The following INTS8 variants were observed in gnomAD, a reference collection of about 807,000 sequenced individuals.
INTS8 encodes integrator complex subunit 8.
INTS8 carries 47 observed loss-of-function variants against 138.9 expected under a neutral mutation model. The ratio of observed to expected loss-of-function variants is 0.34; its 90% confidence interval spans 0.27 to 0.43. INTS8 has a LOEUF of 0.43. Ranked by LOEUF, INTS8 falls within the 20% of genes least tolerant of loss-of-function variation. INTS8 has a pLI of 1.00. For missense variants in INTS8, 996 were observed against 1,173.0 expected, an observed-to-expected ratio of 0.85 and a Z score of 2.20; for synonymous variants, 392 against 400.9, an observed-to-expected ratio of 0.98 and a Z score of 0.27.
chr8:94,880,097 A>T (rs373640928), intron 26 of INTS8, 21 bp from the exon 27 acceptor site: 5 of 1,548,702 alleles, frequency 3.2e-6, no homozygotes, highest in Non-Finnish European at 4.4e-6. Context: ...CTCTAATAAC[A>T]TCACTTTTCT....
chr8:94,839,895 CAAAAACAAAAAAACCCA>C (rs916276273), intron 8 of INTS8, among the ~76,000 whole-genome samples: 10 of 151,746 alleles, frequency 6.6e-5, no homozygotes, highest in Non-Finnish European at 8.8e-5. Flanking sequence ...GACCCTGCCT[CAAAAACAAAAAAACCCA>C]AAAAACAAAA....
intron 10 of INTS8, among the ~76,000 whole-genome samples, chr8:94,845,430 C>T (rs1815297192): frequency 6.6e-6 from 1 of 152,116 alleles, no homozygotes; most frequent in South Asian, 2.1e-4. Context: ...ATGTCCATGT[C>T]CTGATACCAT....
chr8:94,876,702 G>A (rs1250145279), intron 26 of INTS8: 1 of 449,090 alleles, frequency 2.2e-6, no homozygotes, highest in African/African-American at 2.0e-5. Context: ...TCATTTCTCA[G>A]TCCCAAACTT....
intron 20 of INTS8, among the ~76,000 whole-genome samples, chr8:94,870,173 T>A (rs1423648177): frequency 6.6e-6 from 1 of 152,028 alleles, no homozygotes; most frequent in Non-Finnish European, 1.5e-5. Flanking sequence ...TGCCTCAGCC[T>A]CCCAAGTAGC....
In INTS8 at chr8:94,859,572, AAATG is replaced by A; in HGVS notation, c.2020_2023del (p.Glu674ThrfsTer17). 1.2e-6 allele frequency: 2 copies of A among 1,612,830 alleles called. No individual in the cohort carries two copies. The highest frequency in any genetic ancestry group is 1.7e-6 in the Non-Finnish European group (2 of 1,178,878). On this transcript the variant is annotated frameshift_variant, in exon 16 of 27. Coordinates refer to ENST00000523731, the MANE Select transcript of INTS8 (RefSeq NM_017864.4). LOFTEE classifies it high-confidence loss of function. ...TTGCCTTTATGTTAAACTGGAGAGAAAATGAATACCTTACACTCCAAGTTCCTGC... is the reference window on the plus strand; with the variant it reads ...TTGCCTTTATGTTAAACTGGAGAGAAAATACCTTACACTCCAAGTTCCTGC...
At chr8:94,834,362 G>GGTGTGTGTGTGTGT (rs35147334) in intron 6 of INTS8, among the ~76,000 whole-genome samples, 120 of 144,570 alleles carry the variant, frequency 8.3e-4, no homozygotes, top group African/African-American at 2.5e-3. Context: ...TATGTGCATG[G>GGTGTGTGTGTGTGT]GTGTGTGTGT....
intron 26 of INTS8, among the ~76,000 whole-genome samples, chr8:94,876,969 A>T (rs1344349469): frequency 2.0e-5 from 3 of 152,198 alleles, no homozygotes; most frequent in African/African-American, 7.2e-5. Flanking sequence ...TTATAAAGTA[A>T]CAATTTCTGC....
rs530197643 is a variant in INTS8 at position 94,866,555 on chromosome 8, G to T, written c.2295+364G>T. Among the ~76,000 whole-genome samples, 66 of 152,286 alleles carry T rather than the reference G, an allele frequency of 4.3e-4. 1 individual carries two copies. The highest frequency in any genetic ancestry group is 1.5e-3 in the African/African-American group (63 of 41,544). ...CCTTCTTGGCCCCTCACAGTGCTGG[G>T]ATTACAGGTGTTAGCCACCTTGCCT... is the stretch of plus-strand genomic sequence containing the variant. On this transcript the variant is annotated intron_variant, in intron 18 of 26. Coordinates refer to ENST00000523731, the MANE Select transcript of INTS8 (RefSeq NM_017864.4).
intron 13 of INTS8, 107 bp downstream of exon 13, chr8:94,851,793 A>G: frequency 1.1e-6 from 1 of 872,238 alleles, no homozygotes; most frequent in Non-Finnish European, 1.7e-6. Flanking sequence ...CTCTTACTTA[A>G]CAGTTTTAAG....
intron 12 of INTS8, among the ~76,000 whole-genome samples, chr8:94,850,446 A>T (rs1815492462): frequency 6.6e-6 from 1 of 152,084 alleles, no homozygotes; most frequent in African/African-American, 2.4e-5. Context: ...CCCCGCCTCT[A>T]CTAAAAATAC....
At chr8:94,861,246 CCT>C (rs886712191) in intron 16 of INTS8, among the ~76,000 whole-genome samples, 13 of 119,814 alleles carry the variant, frequency 1.1e-4, no homozygotes, top group Admixed American at 1.8e-4. Flanking sequence ...GTTTTTCCCC[CCT>C]TTTTGTAATT....
intron 20 of INTS8, among the ~76,000 whole-genome samples, chr8:94,870,555 T>A (rs1020470756): frequency 6.6e-6 from 1 of 152,222 alleles, no homozygotes; most frequent in South Asian, 2.1e-4. Context: ...GATTGAAGAT[T>A]ACGTTTTTAA....
chr8:94,859,203 C>G (rs1476735738), intron 15 of INTS8, among the ~76,000 whole-genome samples: 1 of 151,778 alleles, frequency 6.6e-6, no homozygotes, highest in African/African-American at 2.4e-5. Context: ...ATCGCTTGAG[C>G]CTGGGAGCTC....
At chr8:94,879,646 A>G (rs1009072271) in intron 26 of INTS8, 10 of 145,950 alleles carry the variant, frequency 6.9e-5, no homozygotes, top group Middle Eastern at 6.8e-3. Flanking sequence ...TTTTTAAATC[A>G]TCTATAGATT....
intron 8 of INTS8, among the ~76,000 whole-genome samples, chr8:94,839,600 T>A (rs76141409): frequency 0.048 from 7,279 of 152,290 alleles, 228 homozygotes; most frequent in Middle Eastern, 0.065. Context: ...TATTGCTTTG[T>A]CCTAGGAAAG....
At chr8:94,877,032 G>A (rs867324629) in intron 26 of INTS8, among the ~76,000 whole-genome samples, 9 of 151,984 alleles carry the variant, frequency 5.9e-5, no homozygotes, top group Non-Finnish European at 8.8e-5. Flanking sequence ...ATTTTTCTCC[G>A]GAACACTTAT....
rs779257317 is a variant in INTS8, at chr8:94,838,667, C to CT, written c.1017+50dup. ...GTGAAGTTTTGGAAGCCAGACAAAA[C>CT]TAAGTTCAAATCCTCGCACCATCCA... On this transcript the variant is annotated intron_variant, in intron 8 of 26. Transcript: ENST00000523731. 5.3e-6 allele frequency: 8 copies of CT among 1,516,860 alleles called. No individual in the cohort carries two copies. The South Asian group carries it at 9.4e-5, about 18-fold the overall frequency. The allele number at this position is 1,516,860 out of a possible 1,614,324, so 94.0% of individuals were successfully genotyped here.
chr8:94,878,093 C>T (rs1586536240), intron 26 of INTS8, among the ~76,000 whole-genome samples: 2 of 152,286 alleles, frequency 1.3e-5, no homozygotes, highest in South Asian at 4.1e-4. Context: ...CTTTACCTCA[C>T]CTGGGAAAGC....
intron 1 of INTS8, among the ~76,000 whole-genome samples, chr8:94,824,328 T>C (rs1458888093): frequency 6.6e-6 from 1 of 152,244 alleles, no homozygotes; most frequent in African/African-American, 2.4e-5. Flanking sequence ...TTAGGCAGTT[T>C]TGGCACCTGT....
Sources: allele counts gnomAD v4.1 joint callset (sites outside exome capture counted in the v4.1 genomes callset), GRCh38; gene constraint gnomAD v4.1.1; transcripts MANE v1.5; gene names NCBI Gene and HGNC (gene_info 2026-07-23, HGNC 2026-07-21).